Variants in RPL6 observed in about 807,000 individuals in gnomAD.
The protein encoded by RPL6 is ribosomal protein L6.
Under a neutral mutation model 32.1 loss-of-function variants are expected in RPL6, and 1 was observed. That is an observed-to-expected ratio of 0.03 (90% CI 0.01 to 0.15). The LOEUF (loss-of-function observed/expected upper bound fraction) is 0.15, where lower values mean the gene tolerates loss of function less well. Among genes scored for constraint, RPL6 ranks in the 10% least tolerant of loss-of-function variants. RPL6 has a pLI of 1.00. For synonymous variants in RPL6, 126 were observed against 131.6 expected, an observed-to-expected ratio of 0.96 and a Z score of 0.29; for missense variants, 275 against 354.6, an observed-to-expected ratio of 0.78 and a Z score of 1.80.
At chr12:112,413,353 G>A (rs192138589), upstream of RPL6, among the ~76,000 whole-genome samples, 21 of 152,054 alleles carry the variant, frequency 1.4e-4, no homozygotes, top group East Asian at 3.5e-3. Context: ...TGGCTAACAC[G>A]GCGAAACCCC....
At chr12:112,406,250 A>C in intron 5 of RPL6, 44 bp downstream of exon 5, 1 of 1,550,964 alleles carries the variant, frequency 6.4e-7, no homozygotes, top group South Asian at 1.1e-5. Context: ...AAGCATTTAA[A>C]AATGGAAGTT....
chr12:112,418,361 C>G (rs2037453135), intron 1 of RPL6: 1 of 155,696 alleles, frequency 6.4e-6, no homozygotes, highest in Non-Finnish European at 1.4e-5. Context: ...GCAGCCCCGA[C>G]TTCTCGGGCT....
At position 112,415,586 on chromosome 12, in the gene RPL6, C is replaced by T. The variant is rs137969741; in HGVS notation, c.-229+3142G>A. On this transcript the variant is annotated intron_variant, in intron 1 of 5. Transcript: ENST00000551291. ...AAAAAATTAGCTGGGCATGGTTGTG[C>T]GTGCCTGTAATCCCAGCTACTTGGG... Among the ~76,000 whole-genome samples, 1,189 of 151,980 alleles carry T rather than the reference C, an allele frequency of 7.8e-3. 16 individuals carry two copies. The highest frequency in any genetic ancestry group is 0.026 in the African/African-American group (1,092 of 41,456).
intron 6 of RPL6, 128 bp from the exon 7 acceptor site, chr12:112,405,504 A>T: frequency 1.0e-6 from 1 of 990,212 alleles, no homozygotes; most frequent in Non-Finnish European, 1.5e-6. Flanking sequence ...GACAATTTTG[A>T]CAATCCTTTC....
intron 3 of RPL6, chr12:112,407,437 T>C (rs2037205660): frequency 6.5e-6 from 1 of 153,780 alleles, no homozygotes; most frequent in African/African-American, 2.4e-5. Flanking sequence ...TATTTCCAAC[T>C]ATACCATATC....
chr12:112,409,154 C>CA (rs2037280143), intron 1 of RPL6: 2 of 290,402 alleles, frequency 6.9e-6, no homozygotes, highest in African/African-American at 4.3e-5. Context: ...AAAAAGATCG[C>CA]AAAGACCAAG....
Position 112,405,332 on chromosome 12 carries a change from C to T in RPL6, c.759G>A (p.Val253=), listed in dbSNP as rs2037128966. 1.2e-6 allele frequency: 2 copies of T among 1,608,842 alleles called. No homozygotes were observed. The highest frequency in any genetic ancestry group is 1.7e-5 in the Admixed American group (1 of 58,160). ...TGATTTTTGGTAAAATTTGTGAGTC[C>T]ACAGCTTTCTGATCAATCTTGCGCT... ...TEQRKIDQKA[V]DSQILPKIKA... Residue 253 remains valine (V), a synonymous_variant, in exon 7 of 7, where the codon GTG becomes GTA. Coordinates refer to ENST00000202773, the MANE Select transcript of RPL6 (RefSeq NM_000970.6).
chr12:112,408,176 C>A, intron 3 of RPL6, 64 bp downstream of exon 3: 1 of 1,241,360 alleles, frequency 8.1e-7, no homozygotes. Flanking sequence ...TCTAAGTATT[C>A]AAAAACATCT....
Position 112,408,323 on chromosome 12 carries a change from T to C in RPL6, c.253A>G (p.Lys85Glu), listed in dbSNP as rs368469478. 68 of 1,613,230 alleles carry C rather than the reference T, an allele frequency of 4.2e-5. No individual in the cohort carries two copies. The highest frequency in any genetic ancestry group is 2.2e-4 in the South Asian group (20 of 91,078). The change falls in exon 3 of 7, where the codon AAG becomes GAG. Residue 85 changes from lysine to glutamate, a missense_variant. Physicochemically the swap from Lys to Glu is moderately conservative, Grantham distance 56 (BLOSUM62 1). Transcript: ENST00000202773. ...AAKSKVEKKKKEKVLATVTKP... is the reference protein window; with the variant it reads ...AAKSKVEKKKEEKVLATVTKP... ...GTAACAGTTGCGAGAACCTTCTCCT[T>C]CTTTTTCTTTTCAACCTACAAGGAC...
At chr12:112,408,993 T>C (rs2037271574) in intron 1 of RPL6, 3 of 306,464 alleles carry the variant, frequency 9.8e-6, no homozygotes, top group Non-Finnish European at 1.8e-5. Flanking sequence ...AGATGCAGAA[T>C]GTGTCCACAG....
At chr12:112,413,486 C>G (rs971793851), upstream of RPL6, among the ~76,000 whole-genome samples, 3 of 151,908 alleles carry the variant, frequency 2.0e-5, no homozygotes, top group African/African-American at 7.3e-5. Flanking sequence ...TGCAGTGAGC[C>G]GAGATTGTGC....
chr12:112,416,388 C>T (rs2135812775), intron 1 of RPL6, among the ~76,000 whole-genome samples: 1 of 152,264 alleles, frequency 6.6e-6, no homozygotes, highest in Non-Finnish European at 1.5e-5. Flanking sequence ...ATCCGCCCGC[C>T]TCAGCCTCCC....
At chr12:112,417,732 T>C (rs1228472158) in intron 1 of RPL6, among the ~76,000 whole-genome samples, 2 of 146,468 alleles carry the variant, frequency 1.4e-5, no homozygotes, top group Non-Finnish European at 3.0e-5. Flanking sequence ...ATCTCGGCTT[T>C]CAGCAGCCTC....
At chr12:112,417,716 G>T (rs769414128) in intron 1 of RPL6, among the ~76,000 whole-genome samples, 2 of 151,676 alleles carry the variant, frequency 1.3e-5, no homozygotes, top group South Asian at 4.2e-4. Flanking sequence ...TGAGTGCAGT[G>T]GCGCGATCTC....
rs1008758677 is a variant in RPL6, at chr12:112,405,194, G to A, written c.*30C>T. The A allele has an allele frequency of 3.2e-6, 5 of 1,548,328 alleles. No individual in the cohort carries two copies. Among genetic ancestry groups the A allele is most frequent in the Non-Finnish European group, 4.3e-6 (5 of 1,151,900 alleles). On this transcript the variant is annotated 3_prime_UTR_variant, in exon 7 of 7. Coordinates refer to ENST00000202773, the MANE Select transcript of RPL6 (RefSeq NM_000970.6). ...ATTAAAAAAAGAGACACAAAATGTA[G>A]TCAGCTATTTAATTAGGTTCTTAAG...
chr12:112,413,265 G>A (rs1006600218), upstream of RPL6, among the ~76,000 whole-genome samples: 6 of 152,148 alleles, frequency 3.9e-5, no homozygotes, highest in Non-Finnish European at 7.3e-5. Flanking sequence ...GGCCGGGTGC[G>A]GTGGCTCACG....
At chr12:112,406,394 T>G (rs1486108656) in intron 4 of RPL6, 52 bp from the exon 5 acceptor site, 1 of 1,488,632 alleles carries the variant, frequency 6.7e-7, no homozygotes, top group Non-Finnish European at 9.3e-7. Context: ...AACTGACTTC[T>G]GAATTCATAA....
Position 112,406,360 on chromosome 12 carries a change from A to C in RPL6, c.481-18T>G. On this transcript the variant is annotated intron_variant, in intron 4 of 6. Coordinates refer to ENST00000202773, the MANE Select transcript of RPL6 (RefSeq NM_000970.6). ...ACCACCCTCTGTAAGTTAAAAAGAA[A>C]ATAATTAGTTTTCTGCAATTAAAAA... 6.2e-7 allele frequency: 1 copy of C among 1,607,690 alleles called. No individual in the cohort carries two copies. Among genetic ancestry groups the C allele is most frequent in the Non-Finnish European group, 8.5e-7 (1 of 1,174,934 alleles).
At chr12:112,408,042 G>A (rs1440772113) in intron 3 of RPL6, 198 bp downstream of exon 3, 2 of 585,144 alleles carry the variant, frequency 3.4e-6, no homozygotes, top group African/African-American at 1.9e-5. Flanking sequence ...TATATGCAAA[G>A]GAACAAAGCA....
Sources: allele counts gnomAD v4.1 joint callset (sites outside exome capture counted in the v4.1 genomes callset), GRCh38; gene constraint gnomAD v4.1.1; transcripts MANE v1.5; gene names NCBI Gene and HGNC (gene_info 2026-07-23, HGNC 2026-07-21).